The following AMMECR1 variants were observed in gnomAD, a reference collection of about 807,000 sequenced individuals.
AMMECR1 encodes the protein AMMECR nuclear protein 1.
In AMMECR1, 3 loss-of-function variants were observed where a neutral mutation model predicts 22.5. The ratio of observed to expected loss-of-function variants is 0.13; its 90% CI spans 0.06 to 0.35. AMMECR1 has a LOEUF of 0.35. Among genes scored for constraint, AMMECR1 ranks in the 10% least tolerant of loss-of-function variants. AMMECR1 has a pLI of 1.00. For synonymous variants in AMMECR1, 130 were observed against 116.7 expected, an observed-to-expected ratio of 1.11 and a Z score of -0.74; for missense variants, 235 against 278.7, an observed-to-expected ratio of 0.84 and a Z score of 1.12.
At chrX:110,370,143 T>C (rs1427048007) in intron 2 of AMMECR1, among the ~76,000 whole-genome samples, 1 of 111,900 alleles carries the variant, frequency 8.9e-6, no homozygotes, top group Non-Finnish European at 1.9e-5. Flanking sequence ...ACTTGTGAAA[T>C]GGATGAAGGG....
At chrX:110,208,325 A>G (rs932732701) in intron 3 of AMMECR1, among the ~76,000 whole-genome samples, 1 of 112,504 alleles carries the variant, frequency 8.9e-6, no homozygotes, top group Admixed American at 9.4e-5. Flanking sequence ...CTGCTTCATC[A>G]TCTGTCTCAG....
At chrX:110,324,896 T>C (rs1158582028) in intron 2 of AMMECR1, among the ~76,000 whole-genome samples, 2 of 111,496 alleles carry the variant, frequency 1.8e-5, no homozygotes, top group Non-Finnish European at 3.8e-5. Context: ...CATTTACTAG[T>C]ATTTTTGAGG....
chrX:110,202,758 C>A (rs1268103198), intron 3 of AMMECR1, among the ~76,000 whole-genome samples: 3 of 111,529 alleles, frequency 2.7e-5, no homozygotes, highest in African/African-American at 9.8e-5. Flanking sequence ...ATGCACTAGG[C>A]TATGATACTA....
intron 2 of AMMECR1, among the ~76,000 whole-genome samples, chrX:110,330,536 C>T (rs2148234021): frequency 8.9e-6 from 1 of 112,113 alleles, no homozygotes; most frequent in South Asian, 3.7e-4. Context: ...ATTTTATGTT[C>T]GTTGGCTCTA....
chrX:110,222,117 A>G (rs1339707731), intron 2 of AMMECR1, among the ~76,000 whole-genome samples: 1 of 103,618 alleles, frequency 9.7e-6, no homozygotes, highest in Non-Finnish European at 2.0e-5. Context: ...AAGGACTATA[A>G]ATCATGCTGC....
chrX:110,244,104 A>C (rs2067646600), intron 2 of AMMECR1, among the ~76,000 whole-genome samples: 2 of 111,603 alleles, frequency 1.8e-5, no homozygotes. Context: ...AGCCATCTTC[A>C]ACTCTTCCCT....
chrX:110,216,666 C>T, intron 2 of AMMECR1, 34 bp from the exon 3 acceptor site: 1 of 969,120 alleles, frequency 1.0e-6, no homozygotes, highest in Non-Finnish European at 1.4e-6. Flanking sequence ...AAAGCAATCA[C>T]TGGATATGAA....
At position 110,263,844 on chromosome X, in the gene AMMECR1, A is replaced by G. The variant is rs1281369550; in HGVS notation, c.584+645T>C. On this transcript the variant is annotated intron_variant, in intron 2 of 5. Transcript: ENST00000262844. ...ATAATTTTGGGTCACAATTTGCTTG[A>G]AATCTAAACTTGAACCAAAAAATTC... Among the ~76,000 whole-genome samples the G allele has an allele frequency of 5.3e-5, 6 of 112,381 alleles. No individual in the cohort carries two copies. In the Admixed American group the frequency reaches 5.7e-4, roughly 11 times the overall value.
chrX:110,363,555 G>A (rs1175209869), intron 2 of AMMECR1, among the ~76,000 whole-genome samples: 2 of 111,797 alleles, frequency 1.8e-5, no homozygotes, highest in African/African-American at 3.3e-5. Flanking sequence ...TAACTAAGAC[G>A]GGGTTCATGA....
intron 2 of AMMECR1, among the ~76,000 whole-genome samples, chrX:110,395,984 G>A (rs376330051): frequency 2.7e-5 from 3 of 111,700 alleles, no homozygotes; most frequent in African/African-American, 9.8e-5. Flanking sequence ...AAGCAGAAAA[G>A]TACTTTACAA....
intron 2 of AMMECR1, among the ~76,000 whole-genome samples, chrX:110,367,319 C>G (rs2068303850): frequency 8.9e-6 from 1 of 111,998 alleles, no homozygotes; most frequent in Non-Finnish European, 1.9e-5. Context: ...TCCAATTTCT[C>G]TCCTCTCATT....
At chrX:110,282,790 G>A (rs985973945) in intron 1 of AMMECR1, among the ~76,000 whole-genome samples, 2 of 111,519 alleles carry the variant, frequency 1.8e-5, no homozygotes, top group Non-Finnish European at 3.8e-5. Context: ...AGAACATCAA[G>A]GAGGAAAGCA....
rs1340459922 is a variant in AMMECR1 at position 110,196,063 on chromosome X, A to T, written c.*2457T>A. 1 of 112,229 alleles carries T rather than the reference A, an allele frequency of 8.9e-6. No individual in the cohort carries two copies. Among genetic ancestry groups the T allele is most frequent in the Non-Finnish European group, 1.9e-5 (1 of 53,214 alleles). The allele number at this position is 112,229 out of a possible 1,213,427, so 9.2% of individuals were successfully genotyped here. ...TTATTACACTGCTAAGAAAATCTGT[A>T]TAACATCTGCATATATCAAGGATTT... On this transcript the variant is annotated 3_prime_UTR_variant, in exon 6 of 6. Coordinates refer to ENST00000262844, the MANE Select transcript of AMMECR1 (RefSeq NM_015365.3).
At chrX:110,417,346 G>C (rs753740992) in intron 2 of AMMECR1, among the ~76,000 whole-genome samples, 2 of 112,261 alleles carry the variant, frequency 1.8e-5, no homozygotes, top group Non-Finnish European at 3.8e-5. Flanking sequence ...ATTCAACAAT[G>C]ATTTATTGTG....
intron 2 of AMMECR1, among the ~76,000 whole-genome samples, chrX:110,349,665 G>T (rs2068203817): frequency 8.9e-6 from 1 of 111,747 alleles, no homozygotes; most frequent in Non-Finnish European, 1.9e-5. Flanking sequence ...TGGTGTCAGG[G>T]ACTGTTTTTA....
rs969554566 is a variant in AMMECR1, at chrX:110,219,406, G to A, written c.585-2774C>T. The A allele has an allele frequency of 2.0e-5, 15 of 750,419 alleles. No homozygotes were observed. In the African/African-American group the frequency reaches 2.3e-4, roughly 12 times the overall value. 61.8% of individuals were successfully genotyped at this position (750,419 alleles called of 1,213,427 possible). A position where few individuals can be genotyped will look rare whatever the true frequency, so the allele number is the denominator to read the frequency against. ...TTTTAAAAATACACATGCTGAAGTC[G>A]CTATACAGTTAATTTCTCAATACTT... On this transcript the variant is annotated intron_variant, in intron 2 of 5. Coordinates refer to ENST00000262844, the MANE Select transcript of AMMECR1 (RefSeq NM_015365.3).
chrX:110,216,087 C>T (rs1457596359), intron 3 of AMMECR1, among the ~76,000 whole-genome samples: 2 of 112,068 alleles, frequency 1.8e-5, no homozygotes. Flanking sequence ...TTGTTGTTAT[C>T]ACAAGCTGAT....
chrX:110,216,511 A>G lies in AMMECR1; in HGVS notation c.699+7T>C, dbSNP rs766002569. ...ATTTTTCTTTAAAAATTTTTCTATAATCTTACCTCCCAGTCCAAATAATCA... is the reference window on the plus strand; with the variant it reads ...ATTTTTCTTTAAAAATTTTTCTATAGTCTTACCTCCCAGTCCAAATAATCA... On this transcript the variant is annotated splice_region_variant and intron_variant, in intron 3 of 5. Transcript: ENST00000262844. The G allele has an allele frequency of 1.7e-6, 2 of 1,177,117 alleles. No homozygotes were observed. Among genetic ancestry groups the G allele is most frequent in the South Asian group, 1.8e-5 (1 of 54,263 alleles).
At chrX:110,204,219 T>C (rs1378754548) in intron 3 of AMMECR1, among the ~76,000 whole-genome samples, 1 of 111,565 alleles carries the variant, frequency 9.0e-6, no homozygotes, top group African/African-American at 3.3e-5. Context: ...ATCAGATTCC[T>C]CATAATTTGT....
Sources: allele counts gnomAD v4.1 joint callset (sites outside exome capture counted in the v4.1 genomes callset), GRCh38; gene constraint gnomAD v4.1.1; transcripts MANE v1.5; gene names NCBI Gene and HGNC (gene_info 2026-07-23, HGNC 2026-07-21).